The following GPR153 variants were observed in gnomAD, a reference collection of about 807,000 sequenced individuals.
GPR153 encodes the protein G protein-coupled receptor 153, also known as probable G protein-coupled receptor 153.
In GPR153, 27 loss-of-function variants were observed where a neutral mutation model predicts 34.1. The ratio of observed to expected loss-of-function variants is 0.79; its 90% CI spans 0.58 to 1.09. The LOEUF (loss-of-function observed/expected upper bound fraction) is 1.09, where lower values mean the gene tolerates loss of function less well. Among genes scored for constraint, GPR153 ranks in the 50% least tolerant of loss-of-function variants. GPR153 has a pLI of 0.00. For synonymous variants in GPR153, 408 were observed against 405.4 expected, an observed-to-expected ratio of 1.01 and a Z score of -0.08; for missense variants, 848 against 860.2, an observed-to-expected ratio of 0.99 and a Z score of 0.18.
At chr1:6,259,458 T>C (rs1002710834) in intron 1 of GPR153, among the ~76,000 whole-genome samples, 1 of 151,390 alleles carries the variant, frequency 6.6e-6, no homozygotes, top group African/African-American at 2.4e-5. Context: ...GACACCAAAG[T>C]CCTGGCCTCT....
At chr1:6,258,711 C>T (rs1423485426) in intron 1 of GPR153, among the ~76,000 whole-genome samples, 1 of 152,224 alleles carries the variant, frequency 6.6e-6, no homozygotes, top group African/African-American at 2.4e-5. Context: ...AGCAGGTCAG[C>T]ATCTATTTCT....
chr1:6,254,261 A>G (rs1638515017), intron 2 of GPR153, 114 bp from the exon 3 acceptor site: 5 of 968,512 alleles, frequency 5.2e-6, no homozygotes, highest in Non-Finnish European at 7.8e-6. Context: ...CCCCCAGTAT[A>G]TCATAGTCAT....
At chr1:6,260,111 T>C (rs532493994) in intron 1 of GPR153, among the ~76,000 whole-genome samples, 11 of 152,092 alleles carry the variant, frequency 7.2e-5, no homozygotes, top group Non-Finnish European at 1.5e-4. Context: ...GGGCGTGACG[T>C]CACAGCTCCG....
At position 6,253,891 on chromosome 1, in the gene GPR153, G is replaced by A. The variant is rs200131017; in HGVS notation, c.613C>T (p.Arg205Cys). 1.1e-4 allele frequency: 179 copies of A among 1,602,746 alleles called. No homozygotes were observed. Among genetic ancestry groups the A allele is most frequent in the Admixed American group, 7.3e-4 (43 of 58,926 alleles). The change falls in exon 3 of 6, where the codon CGC becomes TGC. Residue 205 changes from arginine (R) to cysteine (C), a missense_variant. By Grantham distance (180) the Arg-to-Cys change is radical. Coordinates refer to ENST00000377893, the MANE Select transcript of GPR153 (RefSeq NM_207370.4). ...LFQTLAVQVG[R>C]QADRRAFTVP... is the part of the protein sequence containing the mutation. ...GTGAAGGCGCGGCGGTCGGCCTGGC[G>A]CCCCACCTGCACGGCCAGCGTCTGG...
Position 6,249,727 on chromosome 1 carries a change from C to CG in GPR153, c.1440dup (p.Gly481ArgfsTer225), listed in dbSNP as rs901874307. On this transcript the variant is annotated frameshift_variant, in exon 6 of 6. Coordinates refer to ENST00000377893, the MANE Select transcript of GPR153 (RefSeq NM_207370.4). LOFTEE classifies it low-confidence loss of function (END_TRUNC). The surrounding 1 kb of genome is among the most constrained non-coding windows in gnomAD (Gnocchi z 4.3). ...GGCCCGGGGCGGCGGCGCGGGCTGC[C>CG]GGGGGGCGAGTCGCGGGCTCCCCGC... The CG allele has an allele frequency of 8.6e-6, 9 of 1,049,136 alleles. No homozygotes were observed. The highest frequency in any genetic ancestry group is 8.0e-6 in the Non-Finnish European group (7 of 873,526). The allele number at this position is 1,049,136 out of a possible 1,614,324, so 65.0% of individuals were successfully genotyped here.
chr1:6,252,182 A>G (rs1472597827), intron 3 of GPR153, among the ~76,000 whole-genome samples: 2 of 152,148 alleles, frequency 1.3e-5, no homozygotes, highest in African/African-American at 4.8e-5. Flanking sequence ...GGATGTGGGT[A>G]TGTTGATTCT....
In GPR153 at chr1:6,259,497, A is replaced by ATTTTT. The variant is rs3035676; in HGVS notation, c.-110+1323_-110+1327dup. Among the ~76,000 whole-genome samples the ATTTTT allele has an allele frequency of 7.0e-3, 1,012 of 144,148 alleles. 21 individuals are homozygous for ATTTTT. Among genetic ancestry groups the ATTTTT allele is most frequent in the African/African-American group, 0.025 (973 of 39,120 alleles). The allele number at this position is 144,148 out of a possible 152,430, so 94.6% of individuals were successfully genotyped here. On this transcript the variant is annotated intron_variant, in intron 1 of 5. Transcript: ENST00000377893. ...ACCCTAAAATGTTGGGGAAAAGGGC[A>ATTTTT]TTTTTTTTTTTTTTGTCCCTAGAGC...
chr1:6,257,926 C>T (rs1358658455), intron 1 of GPR153, among the ~76,000 whole-genome samples: 1 of 152,212 alleles, frequency 6.6e-6, no homozygotes, highest in East Asian at 1.9e-4. Flanking sequence ...CCCTTCTTAC[C>T]CAGGGGCCAT....
rs1638514929 is a variant in GPR153, at chr1:6,254,254, C to T, written c.357-107G>A. On this transcript the variant is annotated intron_variant, in intron 2 of 5. Coordinates refer to ENST00000377893, the MANE Select transcript of GPR153 (RefSeq NM_207370.4). ...CGCACCACCCAGGCACCCCACACCCCCAGTATATCATAGTCATGGCACAGC... is the reference window on the plus strand; with the variant it reads ...CGCACCACCCAGGCACCCCACACCCTCAGTATATCATAGTCATGGCACAGC... The T allele has an allele frequency of 2.6e-5, 27 of 1,036,098 alleles. No homozygotes were observed. In the South Asian group the frequency reaches 3.1e-4, roughly 12 times the overall value. 64.2% of individuals were successfully genotyped at this position (1,036,098 alleles called of 1,614,324 possible).
intron 4 of GPR153, 136 bp from the exon 5 acceptor site, chr1:6,250,760 AG>A (rs1638430968): frequency 1.7e-6 from 1 of 591,968 alleles, no homozygotes; most frequent in East Asian, 2.9e-5. Context: ...TTAGCTGAAA[AG>A]GGAATGGGAG....
Position 6,249,614 on chromosome 1 carries a change from C to A in GPR153, c.1554G>T (p.Pro518=). ...FECEPQALRR[P]PGPFPAAPAA... ...CGGGCGCAGCGGGGAAGGGCCCGGG[C>A]GGGCGGCGCAGGGCCTGTGGCTCGC... Residue 518 remains proline, a synonymous_variant, in exon 6 of 6, where the codon CCG becomes CCT. Coordinates refer to ENST00000377893, the MANE Select transcript of GPR153 (RefSeq NM_207370.4). The surrounding 1 kb of genome is among the most constrained non-coding windows in gnomAD (Gnocchi z 4.3). 1.8e-6 allele frequency: 2 copies of A among 1,122,956 alleles called. No homozygotes were observed. The highest frequency in any genetic ancestry group is 4.3e-5 in the South Asian group (1 of 23,394). 69.6% of individuals were successfully genotyped at this position (1,122,956 alleles called of 1,614,324 possible). A position where few individuals can be genotyped will look rare whatever the true frequency, so the allele number is the denominator to read the frequency against.
chr1:6,259,050 C>T (rs577697527), intron 1 of GPR153, among the ~76,000 whole-genome samples: 4 of 152,178 alleles, frequency 2.6e-5, no homozygotes, highest in Non-Finnish European at 4.4e-5. Context: ...GGCTTGAGCC[C>T]GGGAGTTCGA....
chr1:6,249,941 G>A lies in GPR153; in HGVS notation c.1227C>T (p.Pro409=). 3.1e-6 allele frequency: 4 copies of A among 1,282,834 alleles called. No homozygotes were observed. The highest frequency in any genetic ancestry group is 3.0e-6 in the Non-Finnish European group (3 of 1,009,852). The allele number at this position is 1,282,834 out of a possible 1,614,324, so 79.5% of individuals were successfully genotyped here. The change falls in exon 6 of 6, where the codon CCC becomes CCT. Residue 409 remains proline (P), a synonymous_variant. Coordinates refer to ENST00000377893, the MANE Select transcript of GPR153 (RefSeq NM_207370.4). The surrounding 1 kb of genome is among the most constrained non-coding windows in gnomAD (Gnocchi z 4.3). ...CGGAGCCCCAGCGCGGCAGGAAGGC[G>A]GGCAGCGGGACGGCGGCCCACACGT... ...DADVWAAVPL[P]AFLPRWGSGE...
chr1:6,260,381 C>CT (rs1279356683), intron 1 of GPR153, among the ~76,000 whole-genome samples: 1 of 54,718 alleles, frequency 1.8e-5, no homozygotes, highest in Non-Finnish European at 3.9e-5. Context: ...TCCGATCCCC[C>CT]CCCCCCCCCG....
At chr1:6,256,524 T>C (rs1263252917) in intron 1 of GPR153, among the ~76,000 whole-genome samples, 1 of 151,990 alleles carries the variant, frequency 6.6e-6, no homozygotes, top group Non-Finnish European at 1.5e-5. Flanking sequence ...TACACCACCA[T>C]GCTCGGCTAA....
At position 6,249,433 on chromosome 1, in the gene GPR153, CCGCCGCG is replaced by C; in HGVS notation, c.1728_1734del (p.Gly579AlafsTer8). On this transcript the variant is annotated frameshift_variant, in exon 6 of 6. Coordinates refer to ENST00000377893, the MANE Select transcript of GPR153 (RefSeq NM_207370.4). LOFTEE classifies it high-confidence loss of function. The surrounding 1 kb of genome is among the most constrained non-coding windows in gnomAD (Gnocchi z 4.3). ...AAGCTGCTGGTGCTGCCGCCGCCGC[CCGCCGCG>C]CGCAGCCCCCCGGGCTCGCCCCACG... The C allele has an allele frequency of 7.3e-7, 1 of 1,366,826 alleles. No individual in the cohort carries two copies. The highest frequency in any genetic ancestry group is 9.4e-7 in the Non-Finnish European group (1 of 1,064,242). 84.7% of individuals were successfully genotyped at this position (1,366,826 alleles called of 1,614,324 possible).
Position 6,251,400 on chromosome 1 carries a change from T to C in GPR153, c.917A>G (p.Asp306Gly). Residue 306 changes from aspartate (D) to glycine (G), a missense_variant, in exon 4 of 6, where the codon GAC becomes GGC. Transcript: ENST00000377893. The surrounding 1 kb of genome is among the most constrained non-coding windows in gnomAD (Gnocchi z 4.9). The stretch of plus-strand genomic sequence containing the variant: ...GCACTTCTCCCGGACAGCTTTGAGG[T>C]CAGCCCGGTAGCGGTCGCAGGCCCA... ...FLWACDRYRA[D>G]LKAVREKCMA... is the part of the protein sequence containing the mutation. The C allele has an allele frequency of 6.2e-7, 1 of 1,613,590 alleles. No individual in the cohort carries two copies. Among genetic ancestry groups the C allele is most frequent in the Non-Finnish European group, 8.5e-7 (1 of 1,179,924 alleles).
At chr1:6,260,750 C>A (rs181099941) in intron 1 of GPR153, 75 bp downstream of exon 1, 1 of 152,034 alleles carries the variant, frequency 6.6e-6, no homozygotes, top group East Asian at 1.9e-4. Flanking sequence ...GCGGAAAGCC[C>A]CCTCCCTTCC....
At position 6,248,357 on chromosome 1, in the gene GPR153, G is replaced by C. The variant is rs868211743; in HGVS notation, c.*981C>G. 1 of 152,314 alleles carries C rather than the reference G, an allele frequency of 6.6e-6. No individual in the cohort carries two copies. Among genetic ancestry groups the C allele is most frequent in the Non-Finnish European group, 1.5e-5 (1 of 68,160 alleles). The allele number at this position is 152,314 out of a possible 1,614,324, so 9.4% of individuals were successfully genotyped here. A position where few individuals can be genotyped will look rare whatever the true frequency, so the allele number is the denominator to read the frequency against. On this transcript the variant is annotated 3_prime_UTR_variant, in exon 6 of 6. Coordinates refer to ENST00000377893, the MANE Select transcript of GPR153 (RefSeq NM_207370.4). The stretch of plus-strand genomic sequence containing the variant: ...GGGAGTGAGGCTGGGGATGACGCAG[G>C]GACACGGAAGGCCAGGCCCTGCTGC...
Sources: gnomAD v4.1 joint callset for allele counts (sites outside exome capture counted in the v4.1 genomes callset) on GRCh38, gnomAD v4.1.1 for gene constraint, Gnocchi (gnomAD v3.1) non-coding constraint, MANE v1.5 for transcripts, NCBI Gene and HGNC (gene_info 2026-07-23, HGNC 2026-07-21) for gene names.